ANKRD44: variants seen among roughly 807,000 people sequenced by gnomAD.
The protein encoded by ANKRD44 is ankyrin repeat domain 44.
A neutral mutation model predicts 116.0 loss-of-function variants in ANKRD44; 35 were observed. The observed-to-expected ratio is 0.30, with a 90% CI of 0.23 to 0.40. ANKRD44 has a LOEUF of 0.40. ANKRD44 is among the 10% of genes least tolerant of loss of function. The pLI is 1.00. For missense variants in ANKRD44, 1,014 were observed against 1,242.6 expected (o/e 0.82, Z 2.77); for synonymous variants, 435 against 461.8 (o/e 0.94, Z 0.74).
At chr2:197,027,419 G>A (rs969858728) in intron 16 of ANKRD44, among the ~76,000 whole-genome samples, 1 of 152,068 alleles carries the variant, frequency 6.6e-6, no homozygotes, top group Non-Finnish European at 1.5e-5. Flanking sequence ...GGAGCTCAGG[G>A]TATTTAAAGC....
chr2:197,116,997 T>C (rs1574486652), intron 8 of ANKRD44, among the ~76,000 whole-genome samples: 1 of 152,232 alleles, frequency 6.6e-6, no homozygotes, highest in Non-Finnish European at 1.5e-5. Context: ...ACATGATTTA[T>C]GTATGATAAA....
intron 7 of ANKRD44, 54 bp downstream of exon 7, chr2:197,122,596 A>C: frequency 6.4e-7 from 1 of 1,571,126 alleles, no homozygotes; most frequent in South Asian, 1.2e-5. Flanking sequence ...CTTTAGAATA[A>C]CAGAAATCTT....
intron 1 of ANKRD44, among the ~76,000 whole-genome samples, chr2:197,209,199 TA>T (rs1213265652): frequency 6.6e-6 from 1 of 152,188 alleles, no homozygotes; most frequent in Non-Finnish European, 1.5e-5. Flanking sequence ...AGCCTTGAGA[TA>T]AAAAAACTCT....
intron 1 of ANKRD44, among the ~76,000 whole-genome samples, chr2:197,221,966 T>C (rs1468365353): frequency 6.6e-6 from 1 of 152,186 alleles, no homozygotes; most frequent in East Asian, 1.9e-4. Context: ...CTGCCATCTA[T>C]AAAATGTTCT....
In ANKRD44 at chr2:197,078,732, C is replaced by T. The variant is rs779440775; in HGVS notation, c.1621G>A (p.Ala541Thr). 16 of 1,611,578 alleles carry T rather than the reference C, an allele frequency of 9.9e-6. No individual in the cohort carries two copies. The highest frequency in any genetic ancestry group is 2.7e-5 in the African/African-American group (2 of 74,610). The change falls in exon 16 of 28, where the codon GCC becomes ACC. Residue 541 changes from alanine to threonine, a missense_variant. Ala to Thr is a moderately conservative substitution (Grantham distance 58). Transcript: ENST00000282272. The part of the protein sequence containing the change: ...EGYNSIHYAA[A>T]YGHRQCLELL... ...TCCAGACACTGCCTGTGCCCATAGGCGGCAGCATAATGTATGCTATTGTAA... is the reference window on the plus strand; with the variant it reads ...TCCAGACACTGCCTGTGCCCATAGGTGGCAGCATAATGTATGCTATTGTAA...
At chr2:197,010,997 T>C (rs2076289456) in intron 18 of ANKRD44, among the ~76,000 whole-genome samples, 1 of 152,226 alleles carries the variant, frequency 6.6e-6, no homozygotes, top group African/African-American at 2.4e-5. Context: ...TTGTAGACCA[T>C]TGCATTCAGC....
intron 1 of ANKRD44, among the ~76,000 whole-genome samples, chr2:197,242,394 C>T (rs1311058941): frequency 2.6e-5 from 4 of 152,098 alleles, no homozygotes; most frequent in African/African-American, 9.7e-5. Context: ...AGGAAAACCA[C>T]GTTCAATATG....
chr2:197,069,623 T>TA, intron 16 of ANKRD44, among the ~76,000 whole-genome samples: 1 of 152,278 alleles, frequency 6.6e-6, no homozygotes, highest in Middle Eastern at 3.4e-3. Flanking sequence ...TTGTCAGGTA[T>TA]TGACACAGTA....
At chr2:197,295,242 G>A (rs1055794257) in intron 1 of ANKRD44, among the ~76,000 whole-genome samples, 2 of 152,178 alleles carry the variant, frequency 1.3e-5, no homozygotes, top group Non-Finnish European at 2.9e-5. Flanking sequence ...GATTTCTGAA[G>A]AGGATGGCCC....
chr2:197,092,771 A>G (rs186336677), intron 10 of ANKRD44, among the ~76,000 whole-genome samples: 1 of 152,338 alleles, frequency 6.6e-6, no homozygotes, highest in East Asian at 1.9e-4. Flanking sequence ...TTGAACGGGC[A>G]GAGGGAGTTG....
chr2:197,225,635 C>A (rs567193753), intron 1 of ANKRD44, among the ~76,000 whole-genome samples: 1 of 152,260 alleles, frequency 6.6e-6, no homozygotes, highest in East Asian at 1.9e-4. Context: ...TGAGCCACCA[C>A]GCCTGGCCAA....
chr2:197,248,335 A>G (rs1229331345), intron 1 of ANKRD44, among the ~76,000 whole-genome samples: 1 of 152,056 alleles, frequency 6.6e-6, no homozygotes, highest in East Asian at 1.9e-4. Flanking sequence ...TCTCCAGCAG[A>G]CTGCCTTGGG....
rs1025363163 is a variant in ANKRD44, at chr2:197,132,814, T to C, written c.261+3778A>G. Among the ~76,000 whole-genome samples the C allele has an allele frequency of 1.3e-5, 2 of 152,190 alleles. 1 individual carries two copies. The highest frequency in any genetic ancestry group is 1.3e-4 in the Admixed American group (2 of 15,282). ...AATAACTCAAAAAAAAAACAATTCT[T>C]TTCTAACTAGGCAAGATGCTAGAAA... On this transcript the variant is annotated intron_variant, in intron 4 of 27. Transcript: ENST00000282272.
At chr2:197,086,296 T>A (rs555715641) in intron 13 of ANKRD44, among the ~76,000 whole-genome samples, 1 of 152,326 alleles carries the variant, frequency 6.6e-6, no homozygotes, top group African/African-American at 2.4e-5. Context: ...TTTAAACATG[T>A]CTGAAAATTC....
chr2:197,214,420 GC>G (rs907757919), intron 1 of ANKRD44, among the ~76,000 whole-genome samples: 33 of 152,088 alleles, frequency 2.2e-4, no homozygotes, highest in Non-Finnish European at 4.3e-4. Context: ...TGGCAAACAT[GC>G]AAAAAGAATT....
At chr2:197,300,758 CTTTTTTTT>C (rs112803787) in intron 1 of ANKRD44, among the ~76,000 whole-genome samples, 18 of 122,722 alleles carry the variant, frequency 1.5e-4, no homozygotes, top group African/African-American at 4.6e-4. Context: ...TTTCATTTTC[CTTTTTTTT>C]TTTTTTTTTT....
At chr2:197,145,696 A>C (rs2079483126) in intron 3 of ANKRD44, among the ~76,000 whole-genome samples, 2 of 152,092 alleles carry the variant, frequency 1.3e-5, no homozygotes, top group Non-Finnish European at 2.9e-5. Flanking sequence ...AACACAACAA[A>C]ATAAGGGCCG....
intron 1 of ANKRD44, among the ~76,000 whole-genome samples, chr2:197,237,613 A>ATAT: frequency 6.6e-6 from 1 of 152,248 alleles, no homozygotes; most frequent in Non-Finnish European, 1.5e-5. Flanking sequence ...TCTAAATGAC[A>ATAT]GCTAATATAC....
At position 197,206,349 on chromosome 2, in the gene ANKRD44, C is replaced by T. The variant is rs543425972; in HGVS notation, c.28-19243G>A. Among the ~76,000 whole-genome samples, 89 of 152,236 alleles carry T rather than the reference C, an allele frequency of 5.8e-4. No homozygotes were observed. The Middle Eastern group carries it at 0.01, about 17-fold the overall frequency. On this transcript the variant is annotated intron_variant, in intron 1 of 27. Transcript: ENST00000282272. ...GCTGCCGTGAAGTTCACACTGTTAG[C>T]GCTCTGCTAGGGAAAAGATGTTTAG...
Sources: gnomAD v4.1 joint callset for allele counts (sites outside exome capture counted in the v4.1 genomes callset) on GRCh38, gnomAD v4.1.1 for gene constraint, MANE v1.5 for transcripts, NCBI Gene and HGNC (gene_info 2026-07-23, HGNC 2026-07-21) for gene names.